NSMCE2: variants seen among roughly 807,000 people sequenced by gnomAD.
NSMCE2 encodes the protein E3 SUMO-protein ligase NSE2.
A neutral mutation model predicts 23.8 loss-of-function variants in NSMCE2; 24 were observed. The ratio of observed to expected loss-of-function variants is 1.01; its 90% CI spans 0.73 to 1.42. The LOEUF is 1.42. Among genes scored for constraint, NSMCE2 ranks in the 40% most tolerant of loss-of-function variants. NSMCE2 has a pLI of 0.00. For synonymous variants in NSMCE2, 92 were observed against 94.1 expected, an observed-to-expected ratio of 0.98 and a Z score of 0.13; for missense variants, 284 against 296.5, an observed-to-expected ratio of 0.96 and a Z score of 0.31.
At chr8:125,236,425 G>A (rs1206517654) in intron 5 of NSMCE2, among the ~76,000 whole-genome samples, 1 of 152,074 alleles carries the variant, frequency 6.6e-6, no homozygotes, top group African/African-American at 2.4e-5. Flanking sequence ...GAGTATGTGT[G>A]TGTGTGTTAT....
intron 5 of NSMCE2, among the ~76,000 whole-genome samples, chr8:125,285,796 T>C (rs1827870280): frequency 6.6e-6 from 1 of 150,918 alleles, no homozygotes; most frequent in Non-Finnish European, 1.5e-5. Context: ...ATACACACAG[T>C]TGTATTTAAT....
Position 125,324,969 on chromosome 8 carries a change from A to C in NSMCE2, c.419-32250A>C, listed in dbSNP as rs189209423. Among the ~76,000 whole-genome samples the C allele has an allele frequency of 7.0e-4, 107 of 152,298 alleles. 1 individual carries two copies. The highest frequency in any genetic ancestry group is 3.4e-3 in the Middle Eastern group (1 of 294). On this transcript the variant is annotated intron_variant, in intron 5 of 7. Coordinates refer to ENST00000287437, the MANE Select transcript of NSMCE2 (RefSeq NM_173685.4). ...GGGGAGTAGAAGCCTGAAAGTGCAG[A>C]GGATAGGGATTACTAAGGGCACAAG...
At chr8:125,353,553 CACAGCAA>C (rs1171403003) in intron 5 of NSMCE2, among the ~76,000 whole-genome samples, 1 of 152,178 alleles carries the variant, frequency 6.6e-6, no homozygotes, top group Non-Finnish European at 1.5e-5. Context: ...GACCCCACCC[CACAGCAA>C]ACATACTATA....
chr8:125,163,470 G>A (rs186706889), intron 4 of NSMCE2, among the ~76,000 whole-genome samples: 10 of 152,276 alleles, frequency 6.6e-5, no homozygotes, highest in Admixed American at 6.5e-4. Context: ...TGTTCTACCA[G>A]GCTGTGACCT....
At chr8:125,269,468 G>A (rs1220369649) in intron 5 of NSMCE2, among the ~76,000 whole-genome samples, 1 of 152,120 alleles carries the variant, frequency 6.6e-6, no homozygotes, top group East Asian at 1.9e-4. Flanking sequence ...TATCTATGGA[G>A]CAAAACCATG....
At chr8:125,339,025 G>C (rs1473649621) in intron 5 of NSMCE2, among the ~76,000 whole-genome samples, 1 of 152,170 alleles carries the variant, frequency 6.6e-6, no homozygotes, top group Non-Finnish European at 1.5e-5. Flanking sequence ...GCCTTACCCT[G>C]AGACATCCTG....
chr8:125,323,038 A>G (rs1250708622), intron 5 of NSMCE2, among the ~76,000 whole-genome samples: 1 of 152,196 alleles, frequency 6.6e-6, no homozygotes, highest in African/African-American at 2.4e-5. Context: ...CAGCCTGGGC[A>G]ATAGAGTGAG....
chr8:125,304,987 G>A (rs1828702715), intron 5 of NSMCE2, among the ~76,000 whole-genome samples: 1 of 151,194 alleles, frequency 6.6e-6, no homozygotes, highest in African/African-American at 2.4e-5. Context: ...AGGAAAGAGG[G>A]AGGGAGGGAA....
intron 5 of NSMCE2, among the ~76,000 whole-genome samples, chr8:125,248,402 G>T (rs369088009): frequency 9.0e-4 from 137 of 152,322 alleles, no homozygotes; most frequent in African/African-American, 3.2e-3. Context: ...ACTGCAAGGG[G>T]CAAAATTAAT....
chr8:125,236,912 A>G (rs1287816170), intron 5 of NSMCE2, among the ~76,000 whole-genome samples: 4 of 152,018 alleles, frequency 2.6e-5, no homozygotes, highest in South Asian at 2.1e-4. Context: ...ATACTGGTAC[A>G]TAGTAGAGGG....
intron 3 of NSMCE2, among the ~76,000 whole-genome samples, chr8:125,130,843 A>G (rs960765165): frequency 7.2e-5 from 11 of 152,096 alleles, no homozygotes; most frequent in African/African-American, 2.7e-4. Context: ...CCTCACCAAC[A>G]TTAAGAAACT....
At chr8:125,357,069 G>T in intron 5 of NSMCE2, 150 bp from the exon 6 acceptor site, 1 of 609,122 alleles carries the variant, frequency 1.6e-6, no homozygotes. Flanking sequence ...AGTGTTCTCT[G>T]AAAAGCAGAA....
At chr8:125,185,660 C>T (rs528834735) in intron 5 of NSMCE2, among the ~76,000 whole-genome samples, 18 of 152,218 alleles carry the variant, frequency 1.2e-4, no homozygotes, top group African/African-American at 4.3e-4. Flanking sequence ...TTGGTTATAT[C>T]AACTGACATT....
At chr8:125,342,608 C>A (rs72720601) in intron 5 of NSMCE2, among the ~76,000 whole-genome samples, 13,939 of 152,100 alleles carry the variant, frequency 0.092, 734 homozygotes, top group South Asian at 0.16. Context: ...TTTTCCTCAT[C>A]TTTTAGCTCC....
At chr8:125,261,254 C>G (rs1826679895) in intron 5 of NSMCE2, among the ~76,000 whole-genome samples, 1 of 152,170 alleles carries the variant, frequency 6.6e-6, no homozygotes, top group African/African-American at 2.4e-5. Context: ...TAATCCCCTG[C>G]TGTGTTAATC....
chr8:125,143,600 G>T (rs1252696640), intron 3 of NSMCE2, among the ~76,000 whole-genome samples: 1 of 152,178 alleles, frequency 6.6e-6, no homozygotes, highest in African/African-American at 2.4e-5. Flanking sequence ...GCGTGGAGTT[G>T]AATTTAATCC....
chr8:125,351,161 C>T (rs1410961516), intron 5 of NSMCE2, among the ~76,000 whole-genome samples: 1 of 152,128 alleles, frequency 6.6e-6, no homozygotes, highest in Non-Finnish European at 1.5e-5. Context: ...AAAGGCAGAG[C>T]TGCTTGGCTC....
At chr8:125,321,670 G>A (rs4871580) in intron 5 of NSMCE2, among the ~76,000 whole-genome samples, 146,984 of 152,350 alleles carry the variant, frequency 0.96, 70,931 homozygotes, top group East Asian at 1. Context: ...ATCCAAATAT[G>A]TACAAAAAAG....
intron 5 of NSMCE2, among the ~76,000 whole-genome samples, chr8:125,267,435 G>A (rs1826973016): frequency 6.6e-6 from 1 of 152,184 alleles, no homozygotes; most frequent in Non-Finnish European, 1.5e-5. Context: ...CCAAATGTGA[G>A]AAGTAAGGCT....
Sources: gnomAD v4.1 joint callset for allele counts (sites outside exome capture counted in the v4.1 genomes callset) on GRCh38, gnomAD v4.1.1 for gene constraint, MANE v1.5 for transcripts, NCBI Gene and HGNC (gene_info 2026-07-23, HGNC 2026-07-21) for gene names.